The following PLXNA4 variants were observed in gnomAD, a reference collection of about 807,000 sequenced individuals.
PLXNA4 encodes plexin-A4.
PLXNA4 carries 44 observed loss-of-function variants against 191.8 expected under a neutral mutation model. The observed-to-expected ratio is 0.23, with a 90% confidence interval of 0.18 to 0.29. The LOEUF is 0.29. PLXNA4 is among the 10% of genes least tolerant of loss of function. PLXNA4 has a pLI of 1.00. For synonymous variants in PLXNA4, 1,082 were observed against 1,009.5 expected, an observed-to-expected ratio of 1.07 and a Z score of -1.36; for missense variants, 1,800 against 2,488.8, an observed-to-expected ratio of 0.72 and a Z score of 5.89.
chr7:132,394,187 CG>C (rs1793650050), intron 3 of PLXNA4, among the ~76,000 whole-genome samples: 1 of 152,116 alleles, frequency 6.6e-6, no homozygotes, highest in Non-Finnish European at 1.5e-5. Flanking sequence ...GCCCCTGGGC[CG>C]GGATGGAGCC....
chr7:132,538,060 G>A (rs114209312), intron 1 of PLXNA4, among the ~76,000 whole-genome samples: 12,290 of 152,232 alleles, frequency 0.081, 917 homozygotes, highest in East Asian at 0.23. Context: ...TCAGACAATC[G>A]CTGTCCTCTC....
intron 2 of PLXNA4, among the ~76,000 whole-genome samples, chr7:132,590,887 T>C (rs1442860752): frequency 3.3e-5 from 5 of 152,178 alleles, no homozygotes. Flanking sequence ...GAGAGCAGTC[T>C]GGAGGTAGGT....
intron 3 of PLXNA4, among the ~76,000 whole-genome samples, chr7:132,418,958 C>T (rs972681204): frequency 6.6e-6 from 1 of 152,154 alleles, no homozygotes; most frequent in Non-Finnish European, 1.5e-5. Flanking sequence ...ACACTTTTGG[C>T]AATATGTTTG....
At chr7:132,520,406 G>A (rs2116356293) in intron 1 of PLXNA4, among the ~76,000 whole-genome samples, 1 of 152,262 alleles carries the variant, frequency 6.6e-6, no homozygotes, top group East Asian at 1.9e-4. Context: ...GCTTCTTCCG[G>A]CCTCTGAGGA....
chr7:132,232,481 C>T (rs1029094624), intron 5 of PLXNA4, among the ~76,000 whole-genome samples: 1 of 152,182 alleles, frequency 6.6e-6, no homozygotes, highest in Non-Finnish European at 1.5e-5. Flanking sequence ...ACCCCTAGAG[C>T]TGGAGTCCCT....
At chr7:132,259,737 A>T (rs1470214947) in intron 4 of PLXNA4, among the ~76,000 whole-genome samples, 1 of 152,212 alleles carries the variant, frequency 6.6e-6, no homozygotes, top group Non-Finnish European at 1.5e-5. Flanking sequence ...GCCCTTCAGT[A>T]GGCGATGGAT....
chr7:132,416,584 C>T (rs939836663), intron 3 of PLXNA4, among the ~76,000 whole-genome samples: 18 of 152,210 alleles, frequency 1.2e-4, no homozygotes, highest in South Asian at 4.1e-4. Context: ...ATTTCCAACA[C>T]GTCTTCACAC....
intron 2 of PLXNA4, 149 bp from the exon 3 acceptor site, chr7:132,489,623 G>A: frequency 1.3e-6 from 1 of 763,556 alleles, no homozygotes; most frequent in Non-Finnish European, 2.0e-6. Flanking sequence ...CGTCACTCCA[G>A]AGAAACTAGG....
intron 2 of PLXNA4, among the ~76,000 whole-genome samples, chr7:132,593,334 G>A (rs1802639935): frequency 6.6e-6 from 1 of 151,980 alleles, no homozygotes; most frequent in Non-Finnish European, 1.5e-5. Context: ...CCACATAATG[G>A]TCATTTGTCA....
At chr7:132,188,604 C>T (rs1307185871) in intron 14 of PLXNA4, among the ~76,000 whole-genome samples, 6 of 152,102 alleles carry the variant, frequency 3.9e-5, no homozygotes, top group Non-Finnish European at 8.8e-5. Context: ...CAGACCACAG[C>T]TCCTGACCTG....
intron 4 of PLXNA4, among the ~76,000 whole-genome samples, chr7:132,256,243 G>T (rs1002675510): frequency 1.3e-5 from 2 of 152,226 alleles, no homozygotes; most frequent in African/African-American, 4.8e-5. Context: ...TGCTGAGTTT[G>T]CAAACAAACC....
chr7:132,430,270 T>C (rs535806770), intron 3 of PLXNA4, among the ~76,000 whole-genome samples: 3 of 152,264 alleles, frequency 2.0e-5, no homozygotes, highest in African/African-American at 7.2e-5. Context: ...CAAGTCTCTA[T>C]GCGGTTAGTA....
chr7:132,350,547 C>A (rs1251645242), intron 3 of PLXNA4, among the ~76,000 whole-genome samples: 1 of 152,104 alleles, frequency 6.6e-6, no homozygotes, highest in Non-Finnish European at 1.5e-5. Flanking sequence ...AATACATTAA[C>A]TCCATTCAGA....
intron 3 of PLXNA4, among the ~76,000 whole-genome samples, chr7:132,381,436 C>T (rs1804888594): frequency 6.6e-6 from 1 of 152,212 alleles, no homozygotes; most frequent in African/African-American, 2.4e-5. Flanking sequence ...AAAACAAATG[C>T]AACTGAAGAA....
At chr7:132,432,966 C>A (rs1034581850) in intron 3 of PLXNA4, among the ~76,000 whole-genome samples, 1 of 152,164 alleles carries the variant, frequency 6.6e-6, no homozygotes, top group Admixed American at 6.5e-5. Context: ...TGCATTACCA[C>A]CCCACCATTG....
chr7:132,375,295 C>T (rs780878796), intron 3 of PLXNA4, among the ~76,000 whole-genome samples: 1 of 151,990 alleles, frequency 6.6e-6, no homozygotes, highest in Non-Finnish European at 1.5e-5. Context: ...CCCCCCCACG[C>T]CCCAGCCCTC....
intron 11 of PLXNA4, among the ~76,000 whole-genome samples, chr7:132,203,105 G>A (rs535773990): frequency 1.2e-4 from 19 of 152,246 alleles, no homozygotes; most frequent in African/African-American, 4.6e-4. Context: ...CCTCCTACCA[G>A]AAGCCCTCAG....
chr7:132,286,221 G>A (rs950814660), intron 4 of PLXNA4, among the ~76,000 whole-genome samples: 1 of 152,148 alleles, frequency 6.6e-6, no homozygotes. Context: ...CTCTGATTGT[G>A]TACAGGGACT....
Position 132,203,398 on chromosome 7 carries a change from T to C in PLXNA4, c.2320A>G (p.Ile774Val), listed in dbSNP as rs765669169. The C allele has an allele frequency of 6.2e-7, 1 of 1,614,046 alleles. No individual in the cohort carries two copies. The highest frequency in any genetic ancestry group is 8.5e-7 in the Non-Finnish European group (1 of 1,180,016). ...NTSYSYEGME[I>V]NNLPVELTVV... ...GTCAACTCCACGGGCAGGTTGTTGA[T>C]CTCCATCCCTTCATAGGAATACTGC... The change falls in exon 11 of 32, where the codon ATC (isoleucine) becomes GTC (valine). Residue 774 changes from isoleucine to valine, a missense_variant. Around this residue, in one of 6 missense-constraint regions of PLXNA4, gnomAD observed 1,397 missense variants for 1,880.4 expected, o/e 0.74. Coordinates refer to ENST00000321063, the MANE Select transcript of PLXNA4 (RefSeq NM_020911.2).
Sources: allele counts gnomAD v4.1 joint callset (sites outside exome capture counted in the v4.1 genomes callset), GRCh38; gene constraint gnomAD v4.1.1; regional missense constraint gnomAD v4.1.1; transcripts MANE v1.5; gene names NCBI Gene and HGNC (gene_info 2026-07-23, HGNC 2026-07-21).